Variants in NELL2 observed in about 807,000 individuals in gnomAD.
NELL2 encodes neural EGFL like 2.
A neutral mutation model predicts 109.6 loss-of-function variants in NELL2; 41 were observed. The ratio of observed to expected loss-of-function variants is 0.37; its 90% confidence interval spans 0.29 to 0.49. The LOEUF is 0.49. NELL2 is among the 20% of genes least tolerant of loss of function. NELL2 has a pLI of 0.98. For synonymous variants in NELL2, 355 were observed against 344.7 expected (o/e 1.03, Z -0.33); for missense variants, 900 against 1,008.3 (o/e 0.89, Z 1.45).
At chr12:44,889,880 T>G (rs1945514360) in intron 1 of NELL2, among the ~76,000 whole-genome samples, 1 of 152,224 alleles carries the variant, frequency 6.6e-6, no homozygotes, top group Non-Finnish European at 1.5e-5. Flanking sequence ...AAATCTTTCC[T>G]GACTCATCAC....
In NELL2 at chr12:44,882,467, T is replaced by C. The variant is rs116671520; in HGVS notation, c.39-6567A>G. Reference sequence around the variant, plus strand: ...TATATGTATTTTCAACATATATACATATGTGTATATATACATACACACACA... The same window carrying C: ...TATATGTATTTTCAACATATATACACATGTGTATATATACATACACACACA... On this transcript the variant is annotated intron_variant, in intron 1 of 20. Coordinates refer to the NELL2 transcript ENST00000333837. 6.0e-3 allele frequency among the ~76,000 whole-genome samples: 910 copies of C among 151,482 alleles called. 20 individuals are homozygous for C. Among genetic ancestry groups the C allele is most frequent in the African/African-American group, 0.02 (841 of 41,052 alleles).
chr12:44,824,337 G>T (rs1011450544), intron 2 of NELL2, among the ~76,000 whole-genome samples: 1 of 152,108 alleles, frequency 6.6e-6, no homozygotes, highest in African/African-American at 2.4e-5. Context: ...AAAAATGTAT[G>T]GCCTAGACCA....
At chr12:44,655,210 C>T (rs1003132538) in intron 13 of NELL2, among the ~76,000 whole-genome samples, 3 of 152,194 alleles carry the variant, frequency 2.0e-5, no homozygotes, top group African/African-American at 7.2e-5. Flanking sequence ...CTCCCACCGT[C>T]CCAGTCCTCA....
At chr12:44,585,964 T>A (rs1349361062) in intron 15 of NELL2, among the ~76,000 whole-genome samples, 1 of 151,058 alleles carries the variant, frequency 6.6e-6, no homozygotes, top group Non-Finnish European at 1.5e-5. Context: ...TCTTTCAGTA[T>A]ATTTATGTAC....
chr12:44,738,728 T>C (rs1939781867), intron 9 of NELL2, among the ~76,000 whole-genome samples: 1 of 152,160 alleles, frequency 6.6e-6, no homozygotes, highest in Non-Finnish European at 1.5e-5. Flanking sequence ...ATGAATAAGT[T>C]CTGGAGATCT....
At chr12:44,879,646 T>C (rs532577194), upstream of NELL2, among the ~76,000 whole-genome samples, 1 of 151,978 alleles carries the variant, frequency 6.6e-6, no homozygotes, top group East Asian at 1.9e-4. Context: ...TAGAGTGGGA[T>C]TTTAACATCC....
intron 1 of NELL2, 98 bp from the exon 2 acceptor site, chr12:44,875,451 A>T: frequency 6.2e-7 from 1 of 1,613,862 alleles, no homozygotes; most frequent in Non-Finnish European, 8.5e-7. Flanking sequence ...TTTTCGCGAC[A>T]ATATTGGGAA....
intron 9 of NELL2, among the ~76,000 whole-genome samples, chr12:44,735,784 AAT>A (rs1334701436): frequency 2.0e-5 from 3 of 152,090 alleles, no homozygotes. Flanking sequence ...AATTTTAAAA[AAT>A]ATTTTTATCC....
intron 2 of NELL2, among the ~76,000 whole-genome samples, chr12:44,820,272 C>T (rs56892258): frequency 0.12 from 18,681 of 152,084 alleles, 1,496 homozygotes; most frequent in East Asian, 0.23. Context: ...ATGTAAGTGG[C>T]ATCAGAATAA....
intron 15 of NELL2, among the ~76,000 whole-genome samples, chr12:44,568,639 C>T (rs2136192341): frequency 6.6e-6 from 1 of 152,090 alleles, no homozygotes. Context: ...GAAATTGTTT[C>T]TGACATATGA....
rs572322467 is a variant in NELL2 at position 44,921,158 on chromosome 12, C to T, written c.-32+632G>A. ...GTCTGCTTCCCTAGATTATTTATAT[C>T]TATTTGGGATTCTATTTTTTTCAAA... On this transcript the variant is annotated intron_variant, in intron 1 of 9. Transcript: ENST00000552993. Among the ~76,000 whole-genome samples the T allele has an allele frequency of 5.9e-5, 9 of 152,200 alleles. No individual in the cohort carries two copies. In the South Asian group the frequency reaches 1.9e-3, roughly 32 times the overall value.
At chr12:44,778,705 C>A (rs1941842710) in intron 5 of NELL2, among the ~76,000 whole-genome samples, 1 of 152,148 alleles carries the variant, frequency 6.6e-6, no homozygotes, top group Non-Finnish European at 1.5e-5. Flanking sequence ...ATTTGCCTAT[C>A]TTTAAGCAAG....
At chr12:44,589,712 G>T (rs904842650) in intron 15 of NELL2, among the ~76,000 whole-genome samples, 1 of 152,078 alleles carries the variant, frequency 6.6e-6, no homozygotes, top group South Asian at 2.1e-4. Flanking sequence ...ATCCTTTAAG[G>T]TTGCTCTTAA....
Position 44,610,241 on chromosome 12 carries a change from CAA to C in NELL2, c.1567+605_1567+606del, listed in dbSNP as rs34987677. 6.3e-3 allele frequency among the ~76,000 whole-genome samples: 721 copies of C among 113,916 alleles called. 12 individuals are homozygous for C. Among genetic ancestry groups the C allele is most frequent in the African/African-American group, 0.018 (624 of 34,748 alleles). 74.7% of individuals were successfully genotyped at this position (113,916 alleles called of 152,430 possible). On this transcript the variant is annotated intron_variant, in intron 14 of 19. Coordinates refer to ENST00000429094, the MANE Select transcript of NELL2 (RefSeq NM_001145108.2). The stretch of plus-strand genomic sequence containing the variant: ...TAGCCTCCGACAGCTCACAAGAGAG[CAA>C]AAAAAAAAAAACAAAAAAAAAAACT...
chr12:44,795,129 A>G (rs1341759917), intron 3 of NELL2, among the ~76,000 whole-genome samples: 4 of 152,182 alleles, frequency 2.6e-5, no homozygotes, highest in Non-Finnish European at 5.9e-5. Flanking sequence ...CATGTCTCAT[A>G]TGACAAAAAG....
intron 13 of NELL2, 72 bp downstream of exon 13, chr12:44,665,412 A>G: frequency 1.5e-6 from 2 of 1,345,574 alleles, no homozygotes; most frequent in Non-Finnish European, 2.0e-6. Context: ...CAAAAAAATG[A>G]GAGTCAAAGA....
intron 2 of NELL2, among the ~76,000 whole-genome samples, chr12:44,861,488 G>C (rs1019117950): frequency 1.3e-5 from 2 of 152,098 alleles, no homozygotes; most frequent in Non-Finnish European, 2.9e-5. Context: ...CTCAACATTA[G>C]ATTGGCCCCC....
In NELL2 at chr12:44,791,097, G is replaced by GTATATATATATATACGTA. The variant is rs371450408; in HGVS notation, c.336-11076_336-11075insTACGTATATATATATATA. ...TATATATATACATATATATATATAT[G>GTATATATATATATACGTA]TATATATATATGTATATATATATGT... is the stretch of plus-strand genomic sequence containing the variant. On this transcript the variant is annotated intron_variant, in intron 3 of 19. Transcript: ENST00000429094. Among the ~76,000 whole-genome samples the GTATATATATATATACGTA allele has an allele frequency of 8.8e-4, 34 of 38,500 alleles. 4 individuals are homozygous for GTATATATATATATACGTA. Among genetic ancestry groups the GTATATATATATATACGTA allele is most frequent in the African/African-American group, 3.1e-3 (30 of 9,648 alleles). The allele number at this position is 38,500 out of a possible 152,430, so 25.3% of individuals were successfully genotyped here. A position where few individuals can be genotyped will look rare whatever the true frequency, so the allele number is the denominator to read the frequency against.
intron 13 of NELL2, among the ~76,000 whole-genome samples, chr12:44,655,641 C>A (rs1031169468): frequency 2.6e-5 from 4 of 152,306 alleles, no homozygotes; most frequent in Admixed American, 2.0e-4. Context: ...CAAACATTAA[C>A]CCTTCCTGGT....
Sources: gnomAD v4.1 joint callset for allele counts (sites outside exome capture counted in the v4.1 genomes callset) on GRCh38, gnomAD v4.1.1 for gene constraint, MANE v1.5 for transcripts, NCBI Gene and HGNC (gene_info 2026-07-23, HGNC 2026-07-21) for gene names.